TSPAN2: variants seen among roughly 807,000 people sequenced by gnomAD.
TSPAN2 encodes the protein tetraspanin-2.
A neutral mutation model predicts 33.3 loss-of-function variants in TSPAN2; 24 were observed. The observed-to-expected ratio is 0.72, with a 90% confidence interval of 0.52 to 1.01. The LOEUF is 1.01. TSPAN2 is among the 50% of genes least tolerant of loss of function. The pLI is 0.00. For synonymous variants in TSPAN2, 114 were observed against 104.5 expected (o/e 1.09, Z -0.56); for missense variants, 278 against 281.3 (o/e 0.99, Z 0.08).
chr1:115,072,961 C>T lies in TSPAN2; in HGVS notation c.116G>A (p.Gly39Glu), dbSNP rs768753511. 6.2e-7 allele frequency: 1 copy of T among 1,614,084 alleles called. No individual in the cohort carries two copies. The highest frequency in any genetic ancestry group is 1.1e-5 in the South Asian group (1 of 91,082). The change falls in exon 2 of 8, where the codon GGA becomes GAA. Residue 39 changes from glycine to glutamate, a missense_variant. Gly to Glu is a moderately conservative substitution (Grantham distance 98, BLOSUM62 -2). Transcript: ENST00000369516. ...TGATGATAACTCCTTTATGGCACCTCCGAACCGAAACCATAGTCCAAAAGC... is the reference window on the plus strand; with the variant it reads ...TGATGATAACTCCTTTATGGCACCTTCGAACCGAAACCATAGTCCAAAAGC... Reference protein sequence around the residue: ...VIAFGLWFRFGGAIKELSSED... With the variant: ...VIAFGLWFRFEGAIKELSSED...
chr1:115,069,592 A>T (rs1474158480), intron 2 of TSPAN2, among the ~76,000 whole-genome samples: 1 of 152,256 alleles, frequency 6.6e-6, no homozygotes, highest in Non-Finnish European at 1.5e-5. Flanking sequence ...ATGGCTCCAG[A>T]CTGGACTCTG....
intron 1 of TSPAN2, among the ~76,000 whole-genome samples, chr1:115,079,374 T>C (rs923384573): frequency 1.4e-4 from 21 of 152,202 alleles, no homozygotes; most frequent in Admixed American, 2.0e-4. Flanking sequence ...TGGAATCACA[T>C]AATGAGCACT....
intron 6 of TSPAN2, among the ~76,000 whole-genome samples, chr1:115,056,217 T>C (rs1647415319): frequency 6.6e-6 from 1 of 152,236 alleles, no homozygotes; most frequent in Non-Finnish European, 1.5e-5. Flanking sequence ...ATTTTAAATA[T>C]TACTTTTAAT....
Position 115,060,821 on chromosome 1 carries a change from AATAAG to A in TSPAN2, c.271-288_271-284del, listed in dbSNP as rs565992321. On this transcript the variant is annotated intron_variant, in intron 3 of 7. Transcript: ENST00000369516. ...AACTGTGTAAAGAAGTTAAAAAGTG[AATAAG>A]ATAAGTTCAGGTAGTGATGTAAAAA... Among the ~76,000 whole-genome samples the A allele has an allele frequency of 9.5e-4, 144 of 152,374 alleles. 1 individual carries two copies. The highest frequency in any genetic ancestry group is 3.3e-3 in the African/African-American group (139 of 41,586).
chr1:115,055,293 G>A (rs1358474026), intron 6 of TSPAN2, among the ~76,000 whole-genome samples: 1 of 151,206 alleles, frequency 6.6e-6, no homozygotes, highest in Non-Finnish European at 1.5e-5. Context: ...AGTCACAAAA[G>A]GAATACATGC....
chr1:115,071,192 G>A (rs1421668010), intron 2 of TSPAN2, among the ~76,000 whole-genome samples: 1 of 152,170 alleles, frequency 6.6e-6, no homozygotes, highest in African/African-American at 2.4e-5. Flanking sequence ...ATTAGTCAGA[G>A]ATCCAATCAT....
rs190013966 is a variant in TSPAN2, at chr1:115,062,016, G to A, written c.270+119C>T. ...CAAGACTGAGGGAGGAAAAGTGCAT[G>A]CCAAGGGCTCAGAGAGTCCACGGAG... On this transcript the variant is annotated intron_variant, in intron 3 of 7. Transcript: ENST00000369516. 3.9e-4 allele frequency: 305 copies of A among 786,388 alleles called. 1 individual carries two copies. In the Admixed American group the frequency reaches 7.5e-3, roughly 19 times the overall value. 48.7% of individuals were successfully genotyped at this position (786,388 alleles called of 1,614,324 possible).
At chr1:115,061,577 TTACTAAG>T (rs1647721460) in intron 3 of TSPAN2, among the ~76,000 whole-genome samples, 1 of 152,318 alleles carries the variant, frequency 6.6e-6, no homozygotes, top group Non-Finnish European at 1.5e-5. Flanking sequence ...CCCCTTACAA[TTACTAAG>T]TACTTTTACT....
intron 1 of TSPAN2, among the ~76,000 whole-genome samples, chr1:115,077,870 T>G (rs1392240799): frequency 6.6e-6 from 1 of 152,250 alleles, no homozygotes; most frequent in Non-Finnish European, 1.5e-5. Context: ...TTCCTCATTC[T>G]GGCCTCCCCA....
intron 3 of TSPAN2, among the ~76,000 whole-genome samples, chr1:115,061,082 T>G (rs1249779049): frequency 6.6e-6 from 1 of 152,200 alleles, no homozygotes; most frequent in Non-Finnish European, 1.5e-5. Flanking sequence ...GGATTTGCTC[T>G]GATCAAACTA....
chr1:115,058,927 C>A lies in TSPAN2; in HGVS notation c.400G>T (p.Asp134Tyr). 3 of 1,614,066 alleles carry A rather than the reference C, an allele frequency of 1.9e-6. No individual in the cohort carries two copies. The highest frequency in any genetic ancestry group is 2.5e-6 in the Non-Finnish European group (3 of 1,179,970). ...AGTGTCCCATTGCCTTTTCCCCTGT[C>A]TTTAAGGTAATCATTGTAAGCCTCT... ...YEEAYNDYLK[D>Y]RGKGNGTLIT... The change falls in exon 5 of 8, where the codon GAC becomes TAC. Residue 134 changes from aspartate to tyrosine, a missense_variant. Physicochemically the swap from Asp to Tyr is radical, Grantham distance 160. Transcript: ENST00000369516.
intron 1 of TSPAN2, among the ~76,000 whole-genome samples, chr1:115,084,505 C>A (rs1648756178): frequency 6.6e-6 from 1 of 152,140 alleles, no homozygotes; most frequent in Non-Finnish European, 1.5e-5. Flanking sequence ...TTCAGACTGT[C>A]CCCTCTTGTA....
chr1:115,071,803 G>A lies in TSPAN2; in HGVS notation c.172+1102C>T, dbSNP rs138444078. The stretch of plus-strand genomic sequence containing the variant: ...GACACAGCTCTTTTCCTCGCAGGAG[G>A]ATGCTGTGTGGGAAGAGTGTTTGTA... On this transcript the variant is annotated intron_variant, in intron 2 of 7. Transcript: ENST00000369516. 5.8e-3 allele frequency among the ~76,000 whole-genome samples: 882 copies of A among 152,334 alleles called. 9 individuals are homozygous for A. Among genetic ancestry groups the A allele is most frequent in the African/African-American group, 0.02 (828 of 41,574 alleles).
Position 115,060,434 on chromosome 1 carries a change from T to A in TSPAN2, c.345+30A>T, listed in dbSNP as rs574068252. 28 of 1,537,478 alleles carry A rather than the reference T, an allele frequency of 1.8e-5. No individual in the cohort carries two copies. The Admixed American group carries it at 3.9e-4, about 22-fold the overall frequency. On this transcript the variant is annotated intron_variant, in intron 4 of 7. Transcript: ENST00000369516. ...AATATTCTAACACTTTTAACCATCA[T>A]AGAAAAACATTATAAGTAATTTTAC...
intron 2 of TSPAN2, among the ~76,000 whole-genome samples, chr1:115,069,381 C>A (rs1234503289): frequency 6.6e-6 from 1 of 152,208 alleles, no homozygotes; most frequent in African/African-American, 2.4e-5. Flanking sequence ...TCCACAATGA[C>A]AAGTTCGAGG....
intron 3 of TSPAN2, 31 bp downstream of exon 3, chr1:115,062,104 A>ACCCCC: frequency 1.2e-6 from 1 of 832,520 alleles, no homozygotes; most frequent in South Asian, 1.5e-5. Flanking sequence ...CCTCACCCCC[A>ACCCCC]CCCCACCATT....
At chr1:115,076,667 T>G (rs1648422382) in intron 1 of TSPAN2, among the ~76,000 whole-genome samples, 1 of 152,240 alleles carries the variant, frequency 6.6e-6, no homozygotes, top group Non-Finnish European at 1.5e-5. Flanking sequence ...GGAAATGGAC[T>G]TTTTCATACA....
Position 115,089,412 on chromosome 1 carries a change from GC to G in TSPAN2, c.20del (p.Gly7AlafsTer36). MGRFRGGLRCIKYLLLG... is the reference protein window; with the variant it reads MGRFRGXLRCIKYLLLG... Reference sequence around the variant, plus strand: ...GCAGCAGGTACTTGATGCACCGCAGGCCCCCGCGGAAGCGCCCCATGCTGCG... The same window carrying G: ...GCAGCAGGTACTTGATGCACCGCAGGCCCCGCGGAAGCGCCCCATGCTGCG... On this transcript the variant is annotated frameshift_variant, in exon 1 of 8. Coordinates refer to ENST00000369516, the MANE Select transcript of TSPAN2 (RefSeq NM_005725.6). LOFTEE classifies it high-confidence loss of function. 1.9e-6 allele frequency: 3 copies of G among 1,587,718 alleles called. No homozygotes were observed. The highest frequency in any genetic ancestry group is 1.7e-6 in the Non-Finnish European group (2 of 1,168,800).
At chr1:115,067,930 G>C (rs1362072815) in intron 2 of TSPAN2, among the ~76,000 whole-genome samples, 1 of 152,228 alleles carries the variant, frequency 6.6e-6, no homozygotes, top group Non-Finnish European at 1.5e-5. Flanking sequence ...GTAACAGGAA[G>C]TCAGATGGGC....
Sources: allele counts gnomAD v4.1 joint callset (sites outside exome capture counted in the v4.1 genomes callset), GRCh38; gene constraint gnomAD v4.1.1; transcripts MANE v1.5; gene names NCBI Gene and HGNC (gene_info 2026-07-23, HGNC 2026-07-21).